CNOT6L: variants seen among roughly 807,000 people sequenced by gnomAD.
CNOT6L encodes the protein CCR4-NOT transcription complex subunit 6-like.
In CNOT6L, 7 loss-of-function variants were observed where a neutral mutation model predicts 64.0. The ratio of observed to expected loss-of-function variants is 0.11; its 90% CI spans 0.06 to 0.21. CNOT6L has a LOEUF of 0.21. Among genes scored for constraint, CNOT6L ranks in the 10% least tolerant of loss-of-function variants. The probability of loss-of-function intolerance (pLI) is 1.00; values close to 1 mark genes in which losing one functional copy is unlikely to be tolerated. For missense variants in CNOT6L, 245 were observed against 669.0 expected, an observed-to-expected ratio of 0.37 and a Z score of 6.99; for synonymous variants, 193 against 243.4, an observed-to-expected ratio of 0.79 and a Z score of 1.93.
At chr4:77,786,238 AC>A (rs1729426448) in intron 1 of CNOT6L, among the ~76,000 whole-genome samples, 1 of 151,476 alleles carries the variant, frequency 6.6e-6, no homozygotes, top group Non-Finnish European at 1.5e-5. Flanking sequence ...CCAGTATTGC[AC>A]CACTGCACTC....
intron 4 of CNOT6L, among the ~76,000 whole-genome samples, chr4:77,760,162 C>T (rs149698021): frequency 6.8e-4 from 104 of 152,098 alleles, no homozygotes; most frequent in African/African-American, 2.1e-3. Context: ...TCCATGAGGC[C>T]AGGAGTTCAA....
chr4:77,774,922 A>C (rs1437820988), intron 2 of CNOT6L, among the ~76,000 whole-genome samples: 1 of 151,932 alleles, frequency 6.6e-6, no homozygotes, highest in Non-Finnish European at 1.5e-5. Flanking sequence ...CCTGACAACC[A>C]CTCTTTCTCA....
In CNOT6L at chr4:77,751,222, T is replaced by A. The variant is rs530304096; in HGVS notation, c.491-2838A>T. 7.9e-5 allele frequency among the ~76,000 whole-genome samples: 12 copies of A among 152,262 alleles called. 1 individual carries two copies. In the South Asian group the frequency reaches 2.5e-3, roughly 32 times the overall value. ...TATTTTAAAAGTATCAAATAGATAT[T>A]ATCCAACTGAAAAATACAATAACTT... On this transcript the variant is annotated intron_variant, in intron 5 of 11. Coordinates refer to ENST00000504123, the MANE Select transcript of CNOT6L (RefSeq NM_144571.3).
At chr4:77,746,593 A>G (rs1724227506) in intron 6 of CNOT6L, among the ~76,000 whole-genome samples, 1 of 152,210 alleles carries the variant, frequency 6.6e-6, no homozygotes, top group East Asian at 1.9e-4. Flanking sequence ...AATTAATGAA[A>G]ATTTGTTTCT....
upstream of CNOT6L, chr4:77,819,381 G>T (rs529061546): frequency 3.7e-6 from 6 of 1,609,130 alleles, no homozygotes; most frequent in Admixed American, 1.0e-4. Flanking sequence ...AAACACGCGC[G>T]CGCGCGCGCA....
chr4:77,749,266 A>G (rs960341996), intron 5 of CNOT6L, among the ~76,000 whole-genome samples: 1 of 152,174 alleles, frequency 6.6e-6, no homozygotes, highest in Non-Finnish European at 1.5e-5. Flanking sequence ...AATGAACTCT[A>G]TTTCATATAT....
chr4:77,729,208 C>T, intron 9 of CNOT6L, 127 bp from the exon 10 acceptor site: 1 of 673,588 alleles, frequency 1.5e-6, no homozygotes, highest in South Asian at 1.9e-5. Context: ...TTATAACTTC[C>T]CTTTTATCTC....
rs1244801075 is a variant in CNOT6L, at chr4:77,716,835, A to G, written c.*3596T>C. On this transcript the variant is annotated 3_prime_UTR_variant, in exon 12 of 12. Coordinates refer to ENST00000504123, the MANE Select transcript of CNOT6L (RefSeq NM_144571.3). Reference sequence around the variant, plus strand: ...TTCACACAGGATGCTAATTAGTAAAATTAAATACCTGCCTATGAATATCAG... The same window carrying G: ...TTCACACAGGATGCTAATTAGTAAAGTTAAATACCTGCCTATGAATATCAG... 2 of 152,694 alleles carry G rather than the reference A, an allele frequency of 1.3e-5. No individual in the cohort carries two copies. The highest frequency in any genetic ancestry group is 2.4e-5 in the African/African-American group (1 of 41,562). 9.5% of individuals were successfully genotyped at this position (152,694 alleles called of 1,614,324 possible). A position where few individuals can be genotyped will look rare whatever the true frequency, so the allele number is the denominator to read the frequency against.
At chr4:77,804,256 C>G (rs955420420) in intron 1 of CNOT6L, among the ~76,000 whole-genome samples, 1 of 151,656 alleles carries the variant, frequency 6.6e-6, no homozygotes, top group Non-Finnish European at 1.5e-5. Flanking sequence ...GGTGAAACAC[C>G]GTCTCTACTA....
chr4:77,745,052 T>C (rs753928119), intron 6 of CNOT6L, among the ~76,000 whole-genome samples, 177 bp from the exon 7 acceptor site: 7 of 152,256 alleles, frequency 4.6e-5, no homozygotes, highest in Non-Finnish European at 7.3e-5. Context: ...GAGTCTATCA[T>C]ACAAAATTTA....
intron 1 of CNOT6L, among the ~76,000 whole-genome samples, chr4:77,795,955 T>G (rs1322484085): frequency 1.3e-5 from 2 of 152,216 alleles, no homozygotes; most frequent in Non-Finnish European, 2.9e-5. Flanking sequence ...AAGGTGGTTT[T>G]TTTTTATTCA....
intron 10 of CNOT6L, 141 bp downstream of exon 10, chr4:77,728,713 C>T: frequency 3.0e-6 from 2 of 670,016 alleles, no homozygotes; most frequent in Non-Finnish European, 5.3e-6. Flanking sequence ...ATTAAACTCT[C>T]TTCTATTACC....
At chr4:77,800,525 A>T (rs868729750) in intron 1 of CNOT6L, among the ~76,000 whole-genome samples, 8 of 152,094 alleles carry the variant, frequency 5.3e-5, no homozygotes, top group South Asian at 2.1e-4. Context: ...AAAAAAAATT[A>T]AAAAAAATAA....
chr4:77,732,936 CA>C (rs1196988199), intron 8 of CNOT6L, among the ~76,000 whole-genome samples: 1 of 151,992 alleles, frequency 6.6e-6, no homozygotes, highest in Non-Finnish European at 1.5e-5. Flanking sequence ...AACTGGGAAG[CA>C]GATTAGAAAG....
intron 8 of CNOT6L, among the ~76,000 whole-genome samples, chr4:77,736,237 CAA>C (rs371404282): frequency 5.9e-4 from 89 of 152,118 alleles, no homozygotes; most frequent in African/African-American, 2.0e-3. Flanking sequence ...GTTGAAAAAC[CAA>C]AGAGAGAGTT....
intron 8 of CNOT6L, among the ~76,000 whole-genome samples, chr4:77,733,705 G>T (rs1722670567): frequency 6.6e-6 from 1 of 151,952 alleles, no homozygotes; most frequent in Non-Finnish European, 1.5e-5. Flanking sequence ...CTAATTAAAA[G>T]AAATAACTAA....
At chr4:77,728,581 T>C (rs1239146595) in intron 10 of CNOT6L, among the ~76,000 whole-genome samples, 1 of 152,174 alleles carries the variant, frequency 6.6e-6, no homozygotes, top group East Asian at 1.9e-4. Flanking sequence ...TCCCACCACT[T>C]TCCCTTTTAG....
At position 77,754,887 on chromosome 4, in the gene CNOT6L, G is replaced by GTAAAAAAAAAAA. The variant is rs1725291580; in HGVS notation, c.490+1963_490+1974dup. On this transcript the variant is annotated intron_variant, in intron 5 of 11. Transcript: ENST00000504123. ...TAAAACCTAATTCTAAACATTAGAA[G>GTAAAAAAAAAAA]TAAAAAAAAAAAAAAAAAAAAAAAA... Among the ~76,000 whole-genome samples the GTAAAAAAAAAAA allele has an allele frequency of 1.6e-4, 2 of 12,304 alleles. 1 individual carries two copies. The highest frequency in any genetic ancestry group is 5.3e-4 in the African/African-American group (2 of 3,766). 8.1% of individuals were successfully genotyped at this position (12,304 alleles called of 152,430 possible).
At chr4:77,809,055 A>T (rs1350003191) in intron 1 of CNOT6L, among the ~76,000 whole-genome samples, 1 of 152,120 alleles carries the variant, frequency 6.6e-6, no homozygotes, top group Non-Finnish European at 1.5e-5. Flanking sequence ...ACTTTACAGG[A>T]CTACATCATT....
Sources: allele counts gnomAD v4.1 joint callset (sites outside exome capture counted in the v4.1 genomes callset), GRCh38; gene constraint gnomAD v4.1.1; transcripts MANE v1.5; gene names NCBI Gene and HGNC (gene_info 2026-07-23, HGNC 2026-07-21).